The following WASF3 variants were observed in gnomAD, a reference collection of about 807,000 sequenced individuals.
The protein encoded by WASF3 is WASP family member 3.
In WASF3, 11 loss-of-function variants were observed where a neutral mutation model predicts 46.6. That is an observed-to-expected ratio of 0.24 (90% CI 0.15 to 0.39). WASF3 has a LOEUF of 0.39. WASF3 is among the 10% of genes least tolerant of loss of function. The pLI, the probability that WASF3 is intolerant of heterozygous loss-of-function variation, is 1.00. For synonymous variants in WASF3, 242 were observed against 259.7 expected (o/e 0.93, Z 0.65); for missense variants, 576 against 669.8 (o/e 0.86, Z 1.55).
intron 1 of WASF3, among the ~76,000 whole-genome samples, 187 bp downstream of exon 1, chr13:26,558,006 A>G (rs1412579778): frequency 6.6e-6 from 1 of 150,716 alleles, no homozygotes; most frequent in Non-Finnish European, 1.5e-5. Flanking sequence ...CTATCCCTGC[A>G]GCCCGGCCGC....
chr13:26,593,946 A>G (rs1188525946), intron 1 of WASF3, among the ~76,000 whole-genome samples: 3 of 152,204 alleles, frequency 2.0e-5, no homozygotes, highest in African/African-American at 7.2e-5. Flanking sequence ...TTACATACAT[A>G]ACACTGAAGG....
At chr13:26,592,844 G>C (rs530251134) in intron 1 of WASF3, among the ~76,000 whole-genome samples, 124 of 152,054 alleles carry the variant, frequency 8.2e-4, no homozygotes, top group African/African-American at 2.9e-3. Flanking sequence ...CTGTGTATGC[G>C]TGTGCCTGTC....
chr13:26,670,424 C>T (rs1882897044), intron 5 of WASF3, among the ~76,000 whole-genome samples: 1 of 152,026 alleles, frequency 6.6e-6, no homozygotes. Flanking sequence ...TGCGGCAAAC[C>T]ACCATGGCAC....
chr13:26,601,041 T>C lies in WASF3; in HGVS notation c.-108-11920T>C, dbSNP rs552252864. 1.1e-4 allele frequency among the ~76,000 whole-genome samples: 17 copies of C among 152,354 alleles called. No homozygotes were observed. In the South Asian group the frequency reaches 3.3e-3, roughly 30 times the overall value. Reference sequence around the variant, plus strand: ...CTCATGGTTTTGTGGGTTTATATAGTGTATTTTCAGCACTTTTAGGTGCAA... The same window carrying C: ...CTCATGGTTTTGTGGGTTTATATAGCGTATTTTCAGCACTTTTAGGTGCAA... On this transcript the variant is annotated intron_variant, in intron 1 of 9. Transcript: ENST00000335327.
intron 9 of WASF3, among the ~76,000 whole-genome samples, chr13:26,683,774 A>G (rs1219247800): frequency 2.0e-5 from 3 of 152,138 alleles, no homozygotes; most frequent in Non-Finnish European, 4.4e-5. Context: ...TGACCACAAA[A>G]CACATGGAAA....
chr13:26,683,001 C>T (rs1249949813), intron 9 of WASF3, 27 bp downstream of exon 9: 14 of 1,580,804 alleles, frequency 8.9e-6, no homozygotes, highest in Non-Finnish European at 1.2e-5. Context: ...GACACACAGC[C>T]TGCCTTTCAG....
intron 2 of WASF3, chr13:26,638,057 G>C (rs1881883393): frequency 6.6e-6 from 1 of 152,316 alleles, no homozygotes; most frequent in African/African-American, 2.4e-5. Context: ...AGGGGGTTGG[G>C]TGTTAGCGAG....
At chr13:26,666,683 AGGTC>A (rs1324474609) in intron 4 of WASF3, among the ~76,000 whole-genome samples, 2 of 152,108 alleles carry the variant, frequency 1.3e-5, no homozygotes, top group African/African-American at 2.4e-5. Context: ...GCGGATCATG[AGGTC>A]AGGAGATCAA....
intron 3 of WASF3, 89 bp downstream of exon 3, chr13:26,642,492 T>G (rs117239599): frequency 7.0e-7 from 1 of 1,426,816 alleles, no homozygotes; most frequent in African/African-American, 1.5e-5. Flanking sequence ...AAAGAAGAGA[T>G]TGCAGCTTTA....
intron 1 of WASF3, among the ~76,000 whole-genome samples, chr13:26,574,821 T>C (rs896112883): frequency 2.6e-5 from 4 of 152,174 alleles, no homozygotes; most frequent in African/African-American, 7.2e-5. Context: ...TTCGTACTTT[T>C]GTAGTACCTT....
At position 26,686,715 on chromosome 13, in the gene WASF3, G is replaced by T; in HGVS notation, c.*870G>T. On this transcript the variant is annotated 3_prime_UTR_variant, in exon 10 of 10. Transcript: ENST00000335327. ...ACACCGCTGAGCTGGGCAGAGCTGC[G>T]GCACAGGGCCTGGGCTGCAAAGGAG... 1 of 152,556 alleles carries T rather than the reference G, an allele frequency of 6.6e-6. No individual in the cohort carries two copies. Among genetic ancestry groups the T allele is most frequent in the Non-Finnish European group, 1.5e-5 (1 of 68,260 alleles). 9.5% of individuals were successfully genotyped at this position (152,556 alleles called of 1,614,324 possible).
At chr13:26,663,081 G>A (rs1297147773) in intron 3 of WASF3, among the ~76,000 whole-genome samples, 1 of 152,206 alleles carries the variant, frequency 6.6e-6, no homozygotes, top group African/African-American at 2.4e-5. Flanking sequence ...GGGCAAGATG[G>A]CGGTGGGTGT....
At chr13:26,559,691 T>C (rs1879216031) in intron 1 of WASF3, among the ~76,000 whole-genome samples, 1 of 152,180 alleles carries the variant, frequency 6.6e-6, no homozygotes, top group Non-Finnish European at 1.5e-5. Context: ...TGATCGTCTT[T>C]GGAATTCCAA....
At chr13:26,625,791 C>T (rs919161725) in intron 2 of WASF3, among the ~76,000 whole-genome samples, 1 of 152,172 alleles carries the variant, frequency 6.6e-6, no homozygotes, top group Admixed American at 6.5e-5. Context: ...TCTAAAGTTA[C>T]AGTGTTCTCA....
the WASF3 span, among the ~76,000 whole-genome samples, chr13:26,539,372 G>A: frequency 6.6e-6 from 1 of 152,244 alleles, no homozygotes; most frequent in African/African-American, 2.4e-5. Flanking sequence ...CAGGGACCCA[G>A]GGAGAAAACA....
chr13:26,669,531 G>A (rs1471164605), intron 5 of WASF3, among the ~76,000 whole-genome samples: 1 of 149,776 alleles, frequency 6.7e-6, no homozygotes, highest in African/African-American at 2.5e-5. Flanking sequence ...TTTTTGAGAC[G>A]AAGTTTTGCT....
chr13:26,575,438 A>T (rs1879768166), intron 1 of WASF3, among the ~76,000 whole-genome samples: 1 of 152,178 alleles, frequency 6.6e-6, no homozygotes, highest in Admixed American at 6.5e-5. Context: ...CCTTGTTTAG[A>T]TGGAGCTCAA....
intron 2 of WASF3, among the ~76,000 whole-genome samples, chr13:26,621,144 G>A (rs567116706): frequency 4.6e-5 from 7 of 152,112 alleles, no homozygotes; most frequent in African/African-American, 9.6e-5. Flanking sequence ...TTCTAGTTGC[G>A]TTTTAATTTC....
At chr13:26,550,050 C>A in the WASF3 span, among the ~76,000 whole-genome samples, 1 of 152,086 alleles carries the variant, frequency 6.6e-6, no homozygotes, top group Non-Finnish European at 1.5e-5. Context: ...AACAGTAATA[C>A]CCAAGCAATA....
Sources: gnomAD v4.1 joint callset for allele counts (sites outside exome capture counted in the v4.1 genomes callset) on GRCh38, gnomAD v4.1.1 for gene constraint, MANE v1.5 for transcripts, NCBI Gene and HGNC (gene_info 2026-07-23, HGNC 2026-07-21) for gene names.